The following STK33 variants were observed in gnomAD, a reference collection of about 807,000 sequenced individuals.
STK33 encodes serine/threonine kinase 33, also known as serine/threonine-protein kinase 33.
Under a neutral mutation model 58.0 loss-of-function variants are expected in STK33, and 52 were observed. The observed-to-expected ratio is 0.90, with a 90% confidence interval of 0.72 to 1.13. The LOEUF (loss-of-function observed/expected upper bound fraction) is 1.13, where lower values mean the gene tolerates loss of function less well. Among genes scored for constraint, STK33 ranks in the 50% most tolerant of loss-of-function variants. STK33 has a pLI of 0.00. For synonymous variants in STK33, 215 were observed against 200.1 expected (o/e 1.07, Z -0.63); for missense variants, 630 against 604.2 (o/e 1.04, Z -0.45).
chr11:8,519,139 G>C (rs1236916573), intron 1 of STK33, among the ~76,000 whole-genome samples: 2 of 151,978 alleles, frequency 1.3e-5, no homozygotes, highest in Middle Eastern at 3.2e-3. Context: ...ATAACAAACT[G>C]TCTCTCAGAC....
In STK33 at chr11:8,490,436, G is replaced by A. The variant is rs139189946; in HGVS notation, c.-465-9822C>T. On this transcript the variant is annotated intron_variant, in intron 1 of 15. Coordinates refer to ENST00000687296, the MANE Select transcript of STK33 (RefSeq NM_001352389.2). Reference sequence around the variant, plus strand: ...CAGGGAAGCTTGAACTGGGCAGAGCGCACCACAGCTCACCAAGGCCTGCTG... The same window carrying A: ...CAGGGAAGCTTGAACTGGGCAGAGCACACCACAGCTCACCAAGGCCTGCTG... Among the ~76,000 whole-genome samples, 492 of 143,884 alleles carry A rather than the reference G, an allele frequency of 3.4e-3. 1 individual carries two copies. Among genetic ancestry groups the A allele is most frequent in the African/African-American group, 0.012 (449 of 37,730 alleles). The allele number at this position is 143,884 out of a possible 152,430, so 94.4% of individuals were successfully genotyped here.
intron 1 of STK33, among the ~76,000 whole-genome samples, chr11:8,538,015 C>T (rs774577319): frequency 7.9e-5 from 12 of 151,696 alleles, no homozygotes; most frequent in Non-Finnish European, 1.8e-4. Flanking sequence ...GGCGAAACCT[C>T]GTCTCTACCA....
At chr11:8,592,057 GCT>G (rs1371050339) in intron 1 of STK33, among the ~76,000 whole-genome samples, 2 of 152,046 alleles carry the variant, frequency 1.3e-5, no homozygotes, top group African/African-American at 4.8e-5. Flanking sequence ...CTACCTGGAT[GCT>G]CTCTTTCTTC....
intron 2 of STK33, among the ~76,000 whole-genome samples, chr11:8,479,938 T>G (rs1490778422): frequency 6.6e-6 from 1 of 152,076 alleles, no homozygotes; most frequent in Admixed American, 6.6e-5. Flanking sequence ...TCAATGAAAA[T>G]TTTTGAGTGT....
intron 12 of STK33, among the ~76,000 whole-genome samples, chr11:8,438,224 C>A (rs1473561606): frequency 6.6e-6 from 1 of 152,110 alleles, no homozygotes; most frequent in Non-Finnish European, 1.5e-5. Context: ...GGTCAATCAG[C>A]AGCATACAAA....
chr11:8,546,476 A>C (rs1361063299), intron 1 of STK33, among the ~76,000 whole-genome samples: 1 of 152,180 alleles, frequency 6.6e-6, no homozygotes, highest in Non-Finnish European at 1.5e-5. Flanking sequence ...GCTATTTTGA[A>C]ATATAAAATA....
intron 1 of STK33, among the ~76,000 whole-genome samples, chr11:8,573,597 T>C (rs1433772755): frequency 1.3e-5 from 2 of 152,212 alleles, no homozygotes; most frequent in Non-Finnish European, 2.9e-5. Flanking sequence ...CCCAAAGAAA[T>C]GATAACTTAT....
intron 1 of STK33, among the ~76,000 whole-genome samples, chr11:8,490,099 C>T (rs572867325): frequency 8.2e-4 from 125 of 152,250 alleles, no homozygotes; most frequent in African/African-American, 2.7e-3. Flanking sequence ...GAGGGCGAGC[C>T]GAAGCAGGGC....
intron 1 of STK33, among the ~76,000 whole-genome samples, chr11:8,557,248 G>GAAGGGAAGGGAA (rs145181993): frequency 2.4e-5 from 1 of 41,190 alleles, no homozygotes; most frequent in Non-Finnish European, 5.0e-5. Flanking sequence ...GGGACCTTGT[G>GAAGGGAAGGGAA]GGGAAGGGAA....
At chr11:8,576,233 C>T (rs1015037737) in intron 1 of STK33, among the ~76,000 whole-genome samples, 8 of 152,158 alleles carry the variant, frequency 5.3e-5, no homozygotes, top group Non-Finnish European at 1.0e-4. Flanking sequence ...GCACCCATGT[C>T]TGGGAAATGC....
intron 14 of STK33, among the ~76,000 whole-genome samples, chr11:8,431,164 C>A (rs1943382540): frequency 6.6e-6 from 1 of 152,070 alleles, no homozygotes; most frequent in Non-Finnish European, 1.5e-5. Flanking sequence ...CGCACCCGGC[C>A]TCCTTAACAT....
At chr11:8,437,753 G>A (rs1434653856) in intron 12 of STK33, among the ~76,000 whole-genome samples, 1 of 152,038 alleles carries the variant, frequency 6.6e-6, no homozygotes, top group East Asian at 1.9e-4. Context: ...TTTGTGGGGG[G>A]AAAAGTTGCT....
At chr11:8,483,500 T>G (rs149414074) in intron 1 of STK33, among the ~76,000 whole-genome samples, 149 of 152,274 alleles carry the variant, frequency 9.8e-4, no homozygotes, top group African/African-American at 3.5e-3. Context: ...AAAAGGCTAC[T>G]GTAATGGAAT....
intron 11 of STK33, among the ~76,000 whole-genome samples, chr11:8,442,992 G>A (rs975351327): frequency 2.0e-5 from 3 of 152,122 alleles, no homozygotes; most frequent in African/African-American, 7.2e-5. Context: ...AACTTTCTGG[G>A]GTGACAGAAA....
At chr11:8,358,293 G>A in the STK33 span, among the ~76,000 whole-genome samples, 9,766 of 152,238 alleles carry the variant, frequency 0.064, 354 homozygotes, top group Non-Finnish European at 0.073. Flanking sequence ...GGGCATGTCT[G>A]AGCTCTAGAA....
chr11:8,340,694 T>C, the STK33 span, among the ~76,000 whole-genome samples: 1 of 152,020 alleles, frequency 6.6e-6, no homozygotes. Flanking sequence ...CTGATCCCCA[T>C]CTGAGTGATG....
At chr11:8,398,040 C>G (rs10840034) in intron 15 of STK33, among the ~76,000 whole-genome samples, 38,311 of 151,996 alleles carry the variant, frequency 0.25, 4,987 homozygotes, top group African/African-American at 0.3. Flanking sequence ...ACACTCTGCA[C>G]GATATTATCC....
the STK33 span, among the ~76,000 whole-genome samples, chr11:8,354,783 G>A: frequency 6.6e-6 from 1 of 152,238 alleles, no homozygotes; most frequent in African/African-American, 2.4e-5. Flanking sequence ...AAGACTTGCG[G>A]GCAAGCCCAC....
the STK33 span, among the ~76,000 whole-genome samples, chr11:8,338,100 A>G: frequency 8.0e-4 from 122 of 152,360 alleles, no homozygotes; most frequent in Admixed American, 1.4e-3. Flanking sequence ...TTTGTTCACT[A>G]TAGTGGCACC....
Sources: allele counts gnomAD v4.1 joint callset (sites outside exome capture counted in the v4.1 genomes callset), GRCh38; gene constraint gnomAD v4.1.1; transcripts MANE v1.5; gene names NCBI Gene and HGNC (gene_info 2026-07-23, HGNC 2026-07-21).